Variants in SLCO4A1 observed in about 807,000 individuals in gnomAD.
SLCO4A1 encodes the protein colon organic anion transporter.
SLCO4A1 carries 51 observed loss-of-function variants against 64.6 expected under a neutral mutation model. The observed-to-expected ratio is 0.79, with a 90% CI of 0.63 to 1.00. SLCO4A1 has a LOEUF of 1.00. Among genes scored for constraint, SLCO4A1 ranks in the 50% least tolerant of loss-of-function variants. SLCO4A1 has a pLI of 0.00. For missense variants in SLCO4A1, 919 were observed against 980.5 expected (o/e 0.94, Z 0.84); for synonymous variants, 471 against 444.9 (o/e 1.06, Z -0.74).
chr20:62,655,297 ACCCTCC>A (rs1983454691), intron 1 of SLCO4A1, among the ~76,000 whole-genome samples: 1 of 134,402 alleles, frequency 7.4e-6, no homozygotes, highest in African/African-American at 2.7e-5. Flanking sequence ...CCCGGGAAGG[ACCCTCC>A]CAGGGTGGGG....
chr20:62,674,979 G>A (rs192923002), downstream of SLCO4A1, among the ~76,000 whole-genome samples: 7 of 152,310 alleles, frequency 4.6e-5, no homozygotes, highest in African/African-American at 1.4e-4. Flanking sequence ...TGTGATGGCC[G>A]CCGAGCTGAC....
chr20:62,650,281 G>C (rs1255719360), intron 1 of SLCO4A1: 1 of 152,384 alleles, frequency 6.6e-6, no homozygotes, highest in African/African-American at 2.4e-5. Context: ...CCAGAAAGAA[G>C]AATCAAAAGG....
At chr20:62,646,770 A>T (rs1378073567) in intron 1 of SLCO4A1, among the ~76,000 whole-genome samples, 3 of 152,248 alleles carry the variant, frequency 2.0e-5, no homozygotes, top group South Asian at 2.1e-4. Context: ...GAGGCCCGTG[A>T]CCTGCGTGGC....
chr20:62,668,449 G>A (rs1017217900), intron 9 of SLCO4A1, 28 bp from the exon 10 acceptor site: 2 of 1,612,672 alleles, frequency 1.2e-6, no homozygotes, highest in Non-Finnish European at 1.7e-6. Context: ...ACTTCTGTGG[G>A]TGCTGACGCT....
At chr20:62,676,038 A>G (rs565855547), downstream of SLCO4A1, among the ~76,000 whole-genome samples, 2 of 152,310 alleles carry the variant, frequency 1.3e-5, no homozygotes, top group African/African-American at 4.8e-5. Flanking sequence ...GTTCTTCAAG[A>G]GTCAGACGCC....
At chr20:62,667,630 T>C (rs1986602035) in intron 7 of SLCO4A1, 115 bp from the exon 8 acceptor site, 1 of 1,296,796 alleles carries the variant, frequency 7.7e-7, no homozygotes, top group Non-Finnish European at 1.1e-6. Flanking sequence ...TTGGCAAGTT[T>C]GTAGACCCGA....
intron 2 of SLCO4A1, among the ~76,000 whole-genome samples, chr20:62,657,586 G>A (rs919491636): frequency 5.9e-5 from 9 of 152,244 alleles, no homozygotes; most frequent in African/African-American, 1.7e-4. Flanking sequence ...GTCCAATGGC[G>A]GCAGACCTCA....
At chr20:62,652,418 C>T (rs543274542) in intron 1 of SLCO4A1, among the ~76,000 whole-genome samples, 6 of 151,946 alleles carry the variant, frequency 3.9e-5, no homozygotes, top group Non-Finnish European at 5.9e-5. Flanking sequence ...TTTCGGCGGC[C>T]GGCGGCCGGT....
chr20:62,656,721 G>C lies in SLCO4A1; in HGVS notation c.267G>C (p.Trp89Cys). 1 of 1,611,018 alleles carries C rather than the reference G, an allele frequency of 6.2e-7. No individual in the cohort carries two copies. The highest frequency in any genetic ancestry group is 8.5e-7 in the Non-Finnish European group (1 of 1,179,098). ...GGCAGAGCGTGGCGTGCGGCTGGTG[G>C]GCCTTCGCACCGCCGTGCCTGCAGG... Reference protein sequence around the residue: ...SAGQSVACGWWAFAPPCLQVL... With the variant: ...SAGQSVACGWCAFAPPCLQVL... The change falls in exon 2 of 12, where the codon TGG becomes TGC. Residue 89 changes from tryptophan to cysteine, a missense_variant. By Grantham distance (215) the Trp-to-Cys change is radical. Transcript: ENST00000217159.
Position 62,644,943 on chromosome 20 carries a change from G to A in SLCO4A1, c.-97+2390G>A, listed in dbSNP as rs75662025. On this transcript the variant is annotated intron_variant, in intron 1 of 11. Transcript: ENST00000217159. The surrounding 1 kb of genome is among the most constrained non-coding windows in gnomAD (Gnocchi z 5.4). ...AGAGCCACGCCAGGCCAGCCCTCCT[G>A]CTTCCTCAAGCGGGCTGTGGACAGA... Among the ~76,000 whole-genome samples, 2,688 of 152,354 alleles carry A rather than the reference G, an allele frequency of 0.018. 66 individuals carry two copies. The highest frequency in any genetic ancestry group is 0.061 in the African/African-American group (2,522 of 41,574).
rs769491720 is a variant in SLCO4A1 at position 62,666,423 on chromosome 20, C to A, written c.1320C>A (p.Gly440=). 5 of 1,613,166 alleles carry A rather than the reference C, an allele frequency of 3.1e-6. No homozygotes were observed. The highest frequency in any genetic ancestry group is 4.2e-6 in the Non-Finnish European group (5 of 1,179,922). ...VPAGGGGTFL[G]GFFVNKLRLR... is the part of the protein sequence containing the mutation. Reference sequence around the variant, plus strand: ...CGGGTGGTGGCGGCACCTTCCTGGGCGGCTTCTTTGTGAACAAGCTCAGGC... The same window carrying A: ...CGGGTGGTGGCGGCACCTTCCTGGGAGGCTTCTTTGTGAACAAGCTCAGGC... Residue 440 remains glycine (G), a synonymous_variant, in exon 7 of 12, where the codon GGC becomes GGA. Coordinates refer to ENST00000217159, the MANE Select transcript of SLCO4A1 (RefSeq NM_016354.4).
At chr20:62,670,142 A>G (rs1987014757) in intron 11 of SLCO4A1, 1 of 152,148 alleles carries the variant, frequency 6.6e-6, no homozygotes, top group South Asian at 2.1e-4. Context: ...TTCTGCAGGG[A>G]GCTTTGGGGA....
At chr20:62,651,302 T>C (rs1982461145) in intron 1 of SLCO4A1, 1 of 152,226 alleles carries the variant, frequency 6.6e-6, no homozygotes, top group Non-Finnish European at 1.5e-5. Flanking sequence ...GCTGAAACTC[T>C]TGGGCATGAT....
chr20:62,671,066 G>A (rs1987143218), intron 11 of SLCO4A1, among the ~76,000 whole-genome samples: 1 of 152,180 alleles, frequency 6.6e-6, no homozygotes, highest in African/African-American at 2.4e-5. Flanking sequence ...CTCTTGCCCT[G>A]CAAAGTCGGT....
At chr20:62,686,597 G>C (rs1350346070), downstream of SLCO4A1, among the ~76,000 whole-genome samples, 1 of 152,234 alleles carries the variant, frequency 6.6e-6, no homozygotes, top group African/African-American at 2.4e-5. Flanking sequence ...CACCATTCCA[G>C]AGTCAGATCT....
chr20:62,664,673 A>G (rs897305709), intron 5 of SLCO4A1, among the ~76,000 whole-genome samples: 1 of 152,156 alleles, frequency 6.6e-6, no homozygotes, highest in South Asian at 2.1e-4. Context: ...TCTCTGGAAT[A>G]AGTGTGGGTG....
chr20:62,671,880 A>G lies in SLCO4A1; in HGVS notation c.2156A>G (p.Gln719Arg). ...GACAGTGCCACAGATAGCCAGCTCC[A>G]GAGCAGCGTCTGACCACCGCCCGCG... ...APDSATDSQL[Q>R]SSV Residue 719 changes from glutamine (Q) to arginine (R), a missense_variant, in exon 12 of 12, where the codon CAG becomes CGG. By Grantham distance (43) the Gln-to-Arg change is conservative. Transcript: ENST00000217159. 6.2e-7 allele frequency: 1 copy of G among 1,612,028 alleles called. No individual in the cohort carries two copies. Among genetic ancestry groups the G allele is most frequent in the Non-Finnish European group, 8.5e-7 (1 of 1,180,012 alleles).
At chr20:62,675,790 C>T (rs1486438903), downstream of SLCO4A1, among the ~76,000 whole-genome samples, 2 of 152,176 alleles carry the variant, frequency 1.3e-5, no homozygotes, top group Admixed American at 1.3e-4. Context: ...TGGCCTGGGT[C>T]CTGGATGCCT....
chr20:62,682,154 T>C (rs6011628), intron 2 of SLCO4A1, among the ~76,000 whole-genome samples: 25,659 of 152,214 alleles, frequency 0.17, 2,730 homozygotes, highest in East Asian at 0.36. Flanking sequence ...GTCCCACTAC[T>C]GGTGTTAGCT....
Sources: allele counts gnomAD v4.1 joint callset (sites outside exome capture counted in the v4.1 genomes callset), GRCh38; gene constraint gnomAD v4.1.1; non-coding constraint Gnocchi (gnomAD v3.1); transcripts MANE v1.5; gene names NCBI Gene and HGNC (gene_info 2026-07-23, HGNC 2026-07-21).